PTK2: variants seen among roughly 807,000 people sequenced by gnomAD.
The protein encoded by PTK2 is focal adhesion kinase 1.
A neutral mutation model predicts 150.1 loss-of-function variants in PTK2; 45 were observed. The ratio of observed to expected loss-of-function variants is 0.30; its 90% CI spans 0.24 to 0.38. PTK2 has a LOEUF of 0.38. Ranked by LOEUF, PTK2 falls within the 10% of genes least tolerant of loss-of-function variation. The pLI, the probability that PTK2 is intolerant of heterozygous loss-of-function variation, is 1.00. For synonymous variants in PTK2, 432 were observed against 449.2 expected (o/e 0.96, Z 0.48); for missense variants, 919 against 1,307.3 (o/e 0.70, Z 4.58).
intron 5 of PTK2, among the ~76,000 whole-genome samples, chr8:140,852,640 A>G (rs2100130024): frequency 6.6e-6 from 1 of 152,264 alleles, no homozygotes; most frequent in South Asian, 2.1e-4. Context: ...TTATACCTCA[A>G]TAAAACAAAT....
intron 1 of PTK2, among the ~76,000 whole-genome samples, chr8:140,976,465 T>C (rs1311479536): frequency 1.3e-5 from 2 of 152,374 alleles, no homozygotes; most frequent in East Asian, 3.9e-4. Context: ...ATTTTCTCTT[T>C]TCCTTAAGAA....
intron 27 of PTK2, among the ~76,000 whole-genome samples, chr8:140,681,776 C>CA (rs71308978): frequency 0.022 from 3,301 of 151,784 alleles, 54 homozygotes; most frequent in Non-Finnish European, 0.029. Flanking sequence ...GACTCCGTCT[C>CA]AAAAAAAAGC....
rs935795496 is a variant in PTK2 at position 140,937,377 on chromosome 8, G to A, written c.-121-11628C>T. ...GAAAATAAAGTTATGCCATGAATTT[G>A]TCTATATAAAATGGACTTAAATATG... On this transcript the variant is annotated intron_variant, in intron 1 of 31. Transcript: ENST00000522684. 2.6e-5 allele frequency among the ~76,000 whole-genome samples: 4 copies of A among 152,006 alleles called. No homozygotes were observed. The South Asian group carries it at 8.3e-4, about 31-fold the overall frequency.
intron 2 of PTK2, chr8:140,920,725 G>T: frequency 1.7e-6 from 2 of 1,195,402 alleles, no homozygotes; most frequent in Non-Finnish European, 2.2e-6. Flanking sequence ...TAAATATATT[G>T]AAATAAATTC....
chr8:140,811,081 C>T (rs778324979), intron 10 of PTK2, among the ~76,000 whole-genome samples: 2 of 152,254 alleles, frequency 1.3e-5, no homozygotes, highest in Non-Finnish European at 2.9e-5. Context: ...GCCACTGCTG[C>T]TGGCACATGG....
At chr8:140,686,248 G>GGT (rs2100019747) in intron 27 of PTK2, among the ~76,000 whole-genome samples, 1 of 152,058 alleles carries the variant, frequency 6.6e-6, no homozygotes, top group Non-Finnish European at 1.5e-5. Flanking sequence ...GAGGGTGGAG[G>GGT]GTGGGAGGAG....
At chr8:140,725,501 G>A (rs2100045217) in intron 22 of PTK2, among the ~76,000 whole-genome samples, 1 of 152,192 alleles carries the variant, frequency 6.6e-6, no homozygotes. Flanking sequence ...CCACTTTTCA[G>A]TGGCCATTAG....
At chr8:140,782,806 G>C (rs561313941) in intron 14 of PTK2, among the ~76,000 whole-genome samples, 1 of 152,226 alleles carries the variant, frequency 6.6e-6, no homozygotes, top group South Asian at 2.1e-4. Flanking sequence ...TGAATACAGG[G>C]CACACTTCTG....
At chr8:140,724,407 T>C (rs1256438150) in intron 22 of PTK2, among the ~76,000 whole-genome samples, 1 of 152,252 alleles carries the variant, frequency 6.6e-6, no homozygotes, top group Non-Finnish European at 1.5e-5. Flanking sequence ...CTACTAACTT[T>C]TCTCTTTGCA....
At chr8:140,865,170 T>G (rs1431918085) in intron 4 of PTK2, among the ~76,000 whole-genome samples, 1 of 152,258 alleles carries the variant, frequency 6.6e-6, no homozygotes, top group Non-Finnish European at 1.5e-5. Context: ...GTAATGAAAG[T>G]GAATACTTTC....
chr8:140,727,478 T>C (rs1041803716), intron 22 of PTK2, among the ~76,000 whole-genome samples: 7 of 134,044 alleles, frequency 5.2e-5, no homozygotes, highest in African/African-American at 8.6e-5. Flanking sequence ...CTAGACCCAA[T>C]AGGATAGCAA....
At chr8:140,667,722 A>C (rs969488619) in intron 30 of PTK2, among the ~76,000 whole-genome samples, 13 of 152,232 alleles carry the variant, frequency 8.5e-5, no homozygotes, top group Non-Finnish European at 2.9e-5. Context: ...TCTTTTTAAA[A>C]GAAAATTCAA....
intron 29 of PTK2, chr8:140,669,451 C>CT: frequency 2.5e-6 from 1 of 398,690 alleles, no homozygotes; most frequent in Non-Finnish European, 4.4e-6. Context: ...GTGCTTTTGC[C>CT]TAAGTAATCT....
intron 1 of PTK2, among the ~76,000 whole-genome samples, chr8:140,984,832 T>C (rs905472848): frequency 2.0e-5 from 3 of 151,912 alleles, no homozygotes; most frequent in African/African-American, 7.3e-5. Context: ...CCTAGAGTAA[T>C]AGACAATAAG....
chr8:140,858,287 C>A (rs1352410737), intron 5 of PTK2, among the ~76,000 whole-genome samples: 1 of 151,200 alleles, frequency 6.6e-6, no homozygotes, highest in Non-Finnish European at 1.5e-5. Context: ...TAGATCTAAC[C>A]CAAAATCCCA....
chr8:140,709,263 T>G (rs2100035478), intron 23 of PTK2, among the ~76,000 whole-genome samples: 1 of 152,086 alleles, frequency 6.6e-6, no homozygotes, highest in African/African-American at 2.4e-5. Context: ...GCAAAACCAA[T>G]GTAAAATATC....
intron 31 of PTK2, among the ~76,000 whole-genome samples, chr8:140,663,831 A>T (rs1030395783): frequency 2.0e-5 from 3 of 151,888 alleles, no homozygotes; most frequent in Non-Finnish European, 2.9e-5. Flanking sequence ...ATTTTTAAAA[A>T]TTTTTTGTAG....
At chr8:140,893,728 A>C (rs1314577589) in intron 2 of PTK2, among the ~76,000 whole-genome samples, 2 of 152,178 alleles carry the variant, frequency 1.3e-5, no homozygotes, top group Non-Finnish European at 2.9e-5. Flanking sequence ...GAATATACTA[A>C]AAAACACTCA....
intron 23 of PTK2, among the ~76,000 whole-genome samples, chr8:140,709,491 A>G (rs2100035604): frequency 6.6e-6 from 1 of 152,252 alleles, no homozygotes; most frequent in Admixed American, 6.5e-5. Flanking sequence ...ATCAGAGGTT[A>G]GCATGGTGGT....
Sources: allele counts gnomAD v4.1 joint callset (sites outside exome capture counted in the v4.1 genomes callset), GRCh38; gene constraint gnomAD v4.1.1; transcripts MANE v1.5; gene names NCBI Gene and HGNC (gene_info 2026-07-23, HGNC 2026-07-21).